The following HCN1 variants were observed in gnomAD, a reference collection of about 807,000 sequenced individuals.
The protein encoded by HCN1 is hyperpolarization activated cyclic nucleotide gated potassium channel 1.
Under a neutral mutation model 78.9 loss-of-function variants are expected in HCN1, and 13 were observed. That is an observed-to-expected ratio of 0.16 (90% CI 0.11 to 0.26). The LOEUF is 0.26. HCN1 is among the 10% of genes least tolerant of loss of function. The pLI, the probability that HCN1 is intolerant of heterozygous loss-of-function variation, is 1.00. For synonymous variants in HCN1, 552 were observed against 455.5 expected (o/e 1.21, Z -2.70); for missense variants, 810 against 1,154.3 (o/e 0.70, Z 4.32).
intron 1 of HCN1, among the ~76,000 whole-genome samples, chr5:45,679,210 T>C (rs968312178): frequency 1.3e-5 from 2 of 152,022 alleles, no homozygotes; most frequent in African/African-American, 2.4e-5. Flanking sequence ...TCATTATAAC[T>C]GCCTAACTTT....
intron 4 of HCN1, among the ~76,000 whole-genome samples, chr5:45,374,177 A>ATTATATATTATATACATTATATACATAAC (rs1747536635): frequency 8.2e-6 from 1 of 121,434 alleles, no homozygotes; most frequent in Non-Finnish European, 1.6e-5. Flanking sequence ...CATAATATAT[A>ATTATATATTATATACATTATATACATAAC]TTATATATTA....
Position 45,552,054 on chromosome 5 carries a change from C to G in HCN1, c.850-90047G>C, listed in dbSNP as rs116204301. Among the ~76,000 whole-genome samples the G allele has an allele frequency of 3.7e-3, 565 of 151,984 alleles. 2 individuals carry two copies. The highest frequency in any genetic ancestry group is 0.01 in the African/African-American group (423 of 41,510). On this transcript the variant is annotated intron_variant, in intron 2 of 7. Transcript: ENST00000303230. Reference sequence around the variant, plus strand: ...AATTTTAATTACACCTCAGGATTATCTTATATTCTTTGAGAGAAATTCATG... The same window carrying G: ...AATTTTAATTACACCTCAGGATTATGTTATATTCTTTGAGAGAAATTCATG...
intron 2 of HCN1, among the ~76,000 whole-genome samples, chr5:45,595,774 G>C (rs1207721930): frequency 6.6e-6 from 1 of 150,770 alleles, no homozygotes; most frequent in East Asian, 1.9e-4. Flanking sequence ...ATGTCATTCT[G>C]TGTCTCAGTA....
intron 2 of HCN1, among the ~76,000 whole-genome samples, chr5:45,621,482 T>G (rs944865335): frequency 6.6e-6 from 1 of 152,210 alleles, no homozygotes; most frequent in Admixed American, 6.5e-5. Flanking sequence ...AAATTATATT[T>G]TTCTGTAGTA....
At chr5:45,398,877 C>T (rs1348223011) in intron 3 of HCN1, among the ~76,000 whole-genome samples, 1 of 152,152 alleles carries the variant, frequency 6.6e-6, no homozygotes, top group African/African-American at 2.4e-5. Flanking sequence ...AATTTTGCAG[C>T]AGCTTTCAAA....
chr5:45,378,636 A>G (rs906188303), intron 4 of HCN1, among the ~76,000 whole-genome samples: 3 of 152,070 alleles, frequency 2.0e-5, no homozygotes, highest in African/African-American at 4.8e-5. Flanking sequence ...TTTTTTAAAA[A>G]TTATACTTTA....
chr5:45,523,133 T>C (rs1035921187), intron 2 of HCN1, among the ~76,000 whole-genome samples: 1 of 152,076 alleles, frequency 6.6e-6, no homozygotes, highest in Non-Finnish European at 1.5e-5. Flanking sequence ...CTTGTGATAG[T>C]TTACTGAGAA....
chr5:45,633,829 C>G (rs1290853653), intron 2 of HCN1, among the ~76,000 whole-genome samples: 1 of 151,870 alleles, frequency 6.6e-6, no homozygotes, highest in Non-Finnish European at 1.5e-5. Flanking sequence ...AAATGTAGTA[C>G]TAAACAGAGT....
chr5:45,377,342 C>G (rs1285354839), intron 4 of HCN1, among the ~76,000 whole-genome samples: 1 of 152,004 alleles, frequency 6.6e-6, no homozygotes, highest in Non-Finnish European at 1.5e-5. Context: ...TCCCATTCTT[C>G]TGTTCATGAC....
At chr5:45,423,838 T>A (rs2112069857) in intron 3 of HCN1, among the ~76,000 whole-genome samples, 1 of 152,266 alleles carries the variant, frequency 6.6e-6, no homozygotes, top group African/African-American at 2.4e-5. Context: ...TTTCTTTAAA[T>A]TGCATATTTT....
chr5:45,668,349 C>G (rs1424459057), intron 1 of HCN1, among the ~76,000 whole-genome samples: 1 of 151,790 alleles, frequency 6.6e-6, no homozygotes, highest in African/African-American at 2.4e-5. Flanking sequence ...GAAGTTCTCA[C>G]AAGATCTGAT....
chr5:45,468,407 T>C (rs1318130235), intron 2 of HCN1, among the ~76,000 whole-genome samples: 1 of 152,124 alleles, frequency 6.6e-6, no homozygotes, highest in Non-Finnish European at 1.5e-5. Flanking sequence ...AATAAACATA[T>C]ACATGTTTGC....
At chr5:45,608,612 A>C (rs1285360043) in intron 2 of HCN1, among the ~76,000 whole-genome samples, 2 of 152,006 alleles carry the variant, frequency 1.3e-5, no homozygotes, top group Non-Finnish European at 2.9e-5. Flanking sequence ...TATGCATTTA[A>C]GAAATGTTTA....
rs116503305 is a variant in HCN1, at chr5:45,481,284, G to A, written c.850-19277C>T. ...ACACCAACAAGGATGTATATACCAC[G>A]TTTTCTTCCTGTCAGGAAACAGAGA... is the stretch of plus-strand genomic sequence containing the variant. On this transcript the variant is annotated intron_variant, in intron 2 of 7. Coordinates refer to ENST00000303230, the MANE Select transcript of HCN1 (RefSeq NM_021072.4). Among the ~76,000 whole-genome samples, 837 of 152,248 alleles carry A rather than the reference G, an allele frequency of 5.5e-3. 5 individuals carry two copies. The highest frequency in any genetic ancestry group is 0.019 in the African/African-American group (791 of 41,558).
chr5:45,628,992 A>T (rs930984135), intron 2 of HCN1, among the ~76,000 whole-genome samples: 4 of 151,526 alleles, frequency 2.6e-5, no homozygotes, highest in South Asian at 2.1e-4. Context: ...AAATAAAAAA[A>T]AAAAAGAAAA....
intron 2 of HCN1, among the ~76,000 whole-genome samples, chr5:45,546,647 CT>C (rs1246154999): frequency 6.6e-6 from 1 of 151,740 alleles, no homozygotes; most frequent in Non-Finnish European, 1.5e-5. Flanking sequence ...TATTTTACAT[CT>C]CTGTCTCTCT....
intron 2 of HCN1, among the ~76,000 whole-genome samples, chr5:45,580,162 G>C (rs1252308207): frequency 6.6e-5 from 10 of 152,034 alleles, no homozygotes; most frequent in Non-Finnish European, 1.3e-4. Context: ...ATGGCAAAAG[G>C]AAATTAAGGT....
intron 2 of HCN1, among the ~76,000 whole-genome samples, chr5:45,544,601 TC>T (rs555288035): frequency 5.7e-4 from 26 of 45,474 alleles, no homozygotes; most frequent in African/African-American, 1.9e-3. Flanking sequence ...CCCTCCCCCC[TC>T]CCCCCATCCC....
rs147555215 is a variant in HCN1 at position 45,323,019 on chromosome 5, C to T, written c.1378-19180G>A. Among the ~76,000 whole-genome samples, 103 of 151,866 alleles carry T rather than the reference C, an allele frequency of 6.8e-4. 1 individual carries two copies. The highest frequency in any genetic ancestry group is 2.2e-3 in the African/African-American group (93 of 41,498). ...GGAACTGAGTTTTTAATTTATTTAACGTTAACCCATTTAAGCTTAAAGTTA... is the reference window on the plus strand; with the variant it reads ...GGAACTGAGTTTTTAATTTATTTAATGTTAACCCATTTAAGCTTAAAGTTA... On this transcript the variant is annotated intron_variant, in intron 5 of 7. Transcript: ENST00000303230.
Sources: gnomAD v4.1 joint callset for allele counts (sites outside exome capture counted in the v4.1 genomes callset) on GRCh38, gnomAD v4.1.1 for gene constraint, MANE v1.5 for transcripts, NCBI Gene and HGNC (gene_info 2026-07-23, HGNC 2026-07-21) for gene names.